TLK1: variants seen among roughly 807,000 people sequenced by gnomAD.
TLK1 encodes the protein tousled like kinase 1, also known as serine/threonine-protein kinase tousled-like 1.
A neutral mutation model predicts 105.3 loss-of-function variants in TLK1; 24 were observed. The observed-to-expected ratio is 0.23, with a 90% CI of 0.17 to 0.32. TLK1 has a LOEUF of 0.32. TLK1 is among the 10% of genes least tolerant of loss of function. TLK1 has a pLI of 1.00. For missense variants in TLK1, 558 were observed against 910.5 expected, an observed-to-expected ratio of 0.61 and a Z score of 4.98; for synonymous variants, 321 against 310.4, an observed-to-expected ratio of 1.03 and a Z score of -0.36.
intron 1 of TLK1, among the ~76,000 whole-genome samples, chr2:171,228,710 T>C (rs1206408636): frequency 6.6e-6 from 1 of 152,246 alleles, no homozygotes; most frequent in Non-Finnish European, 1.5e-5. Flanking sequence ...TCTGGAGTTG[T>C]CTGTGTTGTT....
At chr2:171,197,303 G>T (rs2105318057) in intron 1 of TLK1, among the ~76,000 whole-genome samples, 1 of 152,180 alleles carries the variant, frequency 6.6e-6, no homozygotes, top group African/African-American at 2.4e-5. Flanking sequence ...AGAGAAAAAA[G>T]CATTTGAGGA....
intron 1 of TLK1, among the ~76,000 whole-genome samples, chr2:171,176,753 C>T (rs1223970689): frequency 1.3e-5 from 2 of 152,172 alleles, no homozygotes; most frequent in Non-Finnish European, 2.9e-5. Flanking sequence ...AATGACTTGG[C>T]CTCTGTTCTA....
intron 1 of TLK1, among the ~76,000 whole-genome samples, chr2:171,202,692 A>G (rs1693427287): frequency 1.3e-5 from 2 of 152,034 alleles, no homozygotes; most frequent in Admixed American, 1.3e-4. Context: ...GGGAGGCAGA[A>G]GTTGCAGTGA....
Position 171,160,667 on chromosome 2 carries a change from G to A in TLK1, c.-239C>T. 1 of 606,404 alleles carries A rather than the reference G, an allele frequency of 1.6e-6. No individual in the cohort carries two copies. Among genetic ancestry groups the A allele is most frequent in the Non-Finnish European group, 2.7e-6 (1 of 377,258 alleles). The allele number at this position is 606,404 out of a possible 1,614,324, so 37.6% of individuals were successfully genotyped here. Reference sequence around the variant, plus strand: ...AGGGGGAGAAGCGAGGGAGCGAGCGGGCGCGCCAGAGGAGAGGAGGAGGAA... The same window carrying A: ...AGGGGGAGAAGCGAGGGAGCGAGCGAGCGCGCCAGAGGAGAGGAGGAGGAA... On this transcript the variant is annotated 5_prime_UTR_variant, in exon 1 of 21. Transcript: ENST00000431350. This position sits in a 1 kb window ranked among gnomAD's most constrained non-coding sequence, Gnocchi z 4.4.
rs1692455749 is a variant in TLK1, at chr2:171,160,707, G to A, written c.-279C>T. Reference sequence around the variant, plus strand: ...AGGAGGAGGAAAGGAGCGCGGCGGCGGAGGCGTCGAGGGGGTGCCAGCCGG... The same window carrying A: ...AGGAGGAGGAAAGGAGCGCGGCGGCAGAGGCGTCGAGGGGGTGCCAGCCGG... On this transcript the variant is annotated 5_prime_UTR_variant, in exon 1 of 21. Coordinates refer to ENST00000431350, the MANE Select transcript of TLK1 (RefSeq NM_012290.5). This position sits in a 1 kb window ranked among gnomAD's most constrained non-coding sequence, Gnocchi z 4.4. 6.2e-6 allele frequency: 3 copies of A among 486,094 alleles called. No individual in the cohort carries two copies. Among genetic ancestry groups the A allele is most frequent in the Non-Finnish European group, 1.0e-5 (3 of 287,970 alleles). The allele number at this position is 486,094 out of a possible 1,614,324, so 30.1% of individuals were successfully genotyped here.
intron 3 of TLK1, among the ~76,000 whole-genome samples, chr2:171,074,443 T>C (rs561207195): frequency 6.6e-6 from 1 of 151,774 alleles, no homozygotes; most frequent in East Asian, 1.9e-4. Context: ...GCCTGGCCAA[T>C]GTGGTGAAAC....
chr2:171,054,037 C>A, intron 7 of TLK1, 184 bp from the exon 8 acceptor site: 1 of 425,110 alleles, frequency 2.4e-6, no homozygotes, highest in East Asian at 4.0e-5. Flanking sequence ...TACAGACTTA[C>A]CAAGAAACAT....
At chr2:171,219,418 A>T (rs1421040840) in intron 1 of TLK1, among the ~76,000 whole-genome samples, 1 of 152,128 alleles carries the variant, frequency 6.6e-6, no homozygotes, top group African/African-American at 2.4e-5. Flanking sequence ...AAAATACCAT[A>T]GGCTGGGTGG....
chr2:171,074,350 A>G (rs974011860), intron 3 of TLK1, among the ~76,000 whole-genome samples: 1 of 151,596 alleles, frequency 6.6e-6, no homozygotes, highest in Non-Finnish European at 1.5e-5. Context: ...CTGGAGGTGG[A>G]GGTGTAGTGG....
At chr2:171,076,787 G>A (rs1688532292) in intron 3 of TLK1, among the ~76,000 whole-genome samples, 1 of 151,442 alleles carries the variant, frequency 6.6e-6, no homozygotes, top group East Asian at 1.9e-4. Context: ...GGTGGTGGGC[G>A]CTTGTAGTCC....
At position 171,182,935 on chromosome 2, in the gene TLK1, A is replaced by AAAAGAAAGAAAGAAAGAAAGAAAG. The variant is rs750018547; in HGVS notation, c.-6+48186_-6+48209dup. Among the ~76,000 whole-genome samples, 233 of 128,796 alleles carry AAAAGAAAGAAAGAAAGAAAGAAAG rather than the reference A, an allele frequency of 1.8e-3. 7 individuals carry two copies. The highest frequency in any genetic ancestry group is 7.4e-3 in the African/African-American group (205 of 27,574). 84.5% of individuals were successfully genotyped at this position (128,796 alleles called of 152,430 possible). A position where few individuals can be genotyped will look rare whatever the true frequency, so the allele number is the denominator to read the frequency against. On this transcript the variant is annotated intron_variant, in intron 1 of 20. Transcript: ENST00000521943. ...AAACCCTGACTCCAAAAAAAAAAAA[A>AAAAGAAAGAAAGAAAGAAAGAAAG]AAAGAAAGAAAGAAAGAAAGAAAGA...
chr2:171,156,224 T>C (rs1439627250), intron 1 of TLK1, among the ~76,000 whole-genome samples: 4 of 152,178 alleles, frequency 2.6e-5, no homozygotes, highest in Non-Finnish European at 5.9e-5. Flanking sequence ...CATAACAGAC[T>C]GAAGGCAGAC....
chr2:171,002,627 G>C (rs538439444), intron 18 of TLK1, among the ~76,000 whole-genome samples: 1 of 151,934 alleles, frequency 6.6e-6, no homozygotes, highest in Non-Finnish European at 1.5e-5. Context: ...CCAGAAAGCT[G>C]CATTTTCTTT....
chr2:171,081,092 A>C (rs1206144976), intron 3 of TLK1, among the ~76,000 whole-genome samples: 1 of 152,204 alleles, frequency 6.6e-6, no homozygotes, highest in African/African-American at 2.4e-5. Context: ...TGATTAACCA[A>C]ATTGTGTTTC....
intron 1 of TLK1, among the ~76,000 whole-genome samples, chr2:171,134,548 C>T (rs532047885): frequency 3.3e-5 from 5 of 151,998 alleles, no homozygotes; most frequent in Non-Finnish European, 7.4e-5. Context: ...TCCAGCAATC[C>T]CATTTCTATA....
Position 171,037,334 on chromosome 2 carries a change from G to A in TLK1, c.1169+8840C>T, listed in dbSNP as rs2676153. Reference sequence around the variant, plus strand: ...CGCATGGCTGTAGTCCCAGCTACTCGGGAGGCTGAGGCAGGAGAATCACTT... The same window carrying A: ...CGCATGGCTGTAGTCCCAGCTACTCAGGAGGCTGAGGCAGGAGAATCACTT... On this transcript the variant is annotated intron_variant, in intron 11 of 20. Transcript: ENST00000431350. 2.2e-3 allele frequency among the ~76,000 whole-genome samples: 329 copies of A among 151,928 alleles called. 3 individuals are homozygous for A. The highest frequency in any genetic ancestry group is 7.4e-3 in the African/African-American group (308 of 41,442).
intron 1 of TLK1, among the ~76,000 whole-genome samples, chr2:171,187,073 A>T (rs1308099099): frequency 7.8e-6 from 1 of 128,304 alleles, no homozygotes; most frequent in Admixed American, 8.2e-5. Flanking sequence ...AAAAAAAAAA[A>T]AAAAAAAAAA....
intron 1 of TLK1, among the ~76,000 whole-genome samples, chr2:171,224,978 G>A (rs1020873746): frequency 1.3e-5 from 2 of 152,094 alleles, no homozygotes; most frequent in African/African-American, 4.8e-5. Context: ...TTTAAAAAAT[G>A]TTTCTGGAAC....
At chr2:171,094,952 G>C (rs2105495656) in intron 2 of TLK1, among the ~76,000 whole-genome samples, 1 of 152,168 alleles carries the variant, frequency 6.6e-6, no homozygotes, top group African/African-American at 2.4e-5. Flanking sequence ...AGCAGATACA[G>C]GTTTATGTAT....
Sources: allele counts gnomAD v4.1 joint callset (sites outside exome capture counted in the v4.1 genomes callset), GRCh38; gene constraint gnomAD v4.1.1; non-coding constraint Gnocchi (gnomAD v3.1); transcripts MANE v1.5; gene names NCBI Gene and HGNC (gene_info 2026-07-23, HGNC 2026-07-21).